LZTS2: variants seen among roughly 807,000 people sequenced by gnomAD.
The protein encoded by LZTS2 is leucine zipper putative tumor suppressor 2.
A neutral mutation model predicts 60.6 loss-of-function variants in LZTS2; 32 were observed. That is an observed-to-expected ratio of 0.53 (90% CI 0.40 to 0.71). The LOEUF is 0.71. Among genes scored for constraint, LZTS2 ranks in the 30% least tolerant of loss-of-function variants. The pLI, the probability that LZTS2 is intolerant of heterozygous loss-of-function variation, is 0.00. For missense variants in LZTS2, 792 were observed against 901.9 expected (o/e 0.88, Z 1.56); for synonymous variants, 360 against 393.1 (o/e 0.92, Z 1.00).
upstream of LZTS2, chr10:100,998,396 G>A (rs1337547258): frequency 6.5e-6 from 1 of 152,710 alleles, no homozygotes; most frequent in Non-Finnish European, 1.5e-5. Context: ...GTTCTTGTGA[G>A]GCTGAGGGTC....
Position 101,007,138 on chromosome 10 carries a change from C to T in LZTS2, c.1980C>T (p.Cys660=), listed in dbSNP as rs754863367. The change falls in exon 4 of 4, where the codon TGC becomes TGT. Residue 660 remains cysteine, a synonymous_variant. Coordinates refer to ENST00000370220, the Ensembl canonical transcript of LZTS2. The stretch of plus-strand genomic sequence containing the variant: ...TGGCCGAGCAGGCCCCCTGCATCTG[C>T]CTGGAGGAGATCACTGCTACTGAGA... 13 of 1,602,948 alleles carry T rather than the reference C, an allele frequency of 8.1e-6. No individual in the cohort carries two copies. In the African/African-American group the frequency reaches 1.6e-4, roughly 20 times the overall value.
upstream of LZTS2, chr10:100,996,930 A>T (rs2133953476): frequency 6.6e-6 from 1 of 152,494 alleles, no homozygotes; most frequent in East Asian, 1.9e-4. Context: ...CTGTGAAGTC[A>T]GAGGCCAGAG....
chr10:100,999,207 C>T (rs976907010), upstream of LZTS2, among the ~76,000 whole-genome samples: 3 of 152,156 alleles, frequency 2.0e-5, no homozygotes, highest in Admixed American at 6.5e-5. Flanking sequence ...GGCACCGTGC[C>T]GGGGAGTGGG....
At chr10:101,006,843 G>A (rs781148639) in exon 4 of LZTS2, 51 of 1,539,272 alleles carry the variant, frequency 3.3e-5, no homozygotes, top group Non-Finnish European at 4.3e-5. Context: ...AAAGTGCAGC[G>A]GGCAGCAGCC....
At chr10:101,003,887 G>A (rs747996245) in exon 2 of LZTS2, 1 of 1,612,976 alleles carries the variant, frequency 6.2e-7, no homozygotes, top group East Asian at 2.2e-5. Context: ...CAGCCCGAGG[G>A]GTCCCTACTG....
chr10:101,006,691 G>A (rs760635586), exon 4 of LZTS2: 1 of 1,597,846 alleles, frequency 6.3e-7, no homozygotes, highest in East Asian at 2.3e-5. Flanking sequence ...CCTGTTCCCA[G>A]GAGCTGCAGC....
exon 4 of LZTS2, chr10:101,006,756 A>G: frequency 6.3e-7 from 1 of 1,577,666 alleles, no homozygotes; most frequent in Non-Finnish European, 8.6e-7. Context: ...TTGGATGCTG[A>G]GGCGGCCGGA....
intron 3 of LZTS2, among the ~76,000 whole-genome samples, chr10:101,005,961 T>G (rs575526572): frequency 5.4e-4 from 82 of 152,348 alleles, no homozygotes; most frequent in African/African-American, 1.9e-3. Context: ...GAGGCACTAT[T>G]CTAAGCATGT....
chr10:101,002,129 C>G (rs138475168), exon 1 of LZTS2: 2 of 164,484 alleles, frequency 1.2e-5, no homozygotes, highest in East Asian at 3.4e-4. Flanking sequence ...GCTGAGAGGA[C>G]CAGGGACCTG....
chr10:101,003,662 C>CTCCTCCTCCTCT (rs780014255), exon 2 of LZTS2: 10 of 1,610,742 alleles, frequency 6.2e-6, no homozygotes, highest in African/African-American at 4.0e-5. Flanking sequence ...GCCCTGCCTC[C>CTCCTCCTCCTCT]TCCTCCTCCT....
chr10:101,006,752 G>A, exon 4 of LZTS2: 2 of 1,582,380 alleles, frequency 1.3e-6, no homozygotes, highest in Non-Finnish European at 1.7e-6. Flanking sequence ...GCAGTTGGAT[G>A]CTGAGGCGGC....
At chr10:101,006,663 G>A (rs1391160173) in exon 4 of LZTS2, 4 of 1,588,782 alleles carry the variant, frequency 2.5e-6, no homozygotes, top group Admixed American at 1.8e-5. Context: ...GCCCGAGCTC[G>A]GGAGCTGGAG....
At chr10:100,999,265 C>A (rs1485352886), upstream of LZTS2, among the ~76,000 whole-genome samples, 1 of 152,216 alleles carries the variant, frequency 6.6e-6, no homozygotes, top group Non-Finnish European at 1.5e-5. Flanking sequence ...CCGAGCCGGC[C>A]GCCAGGTGGC....
exon 1 of LZTS2, chr10:101,002,793 C>T: frequency 1.2e-6 from 2 of 1,613,830 alleles, no homozygotes; most frequent in Non-Finnish European, 1.7e-6. Flanking sequence ...CTGTCCCTGT[C>T]ACCAGCTTCA....
At chr10:101,002,470 ACT>A (rs1852060187) in exon 1 of LZTS2, 1 of 1,450,638 alleles carries the variant, frequency 6.9e-7, no homozygotes, top group Admixed American at 2.5e-5. Flanking sequence ...AGGTGGAGGG[ACT>A]CTGACACCAC....
chr10:101,005,804 C>T, intron 3 of LZTS2, 89 bp downstream of exon 4: 1 of 1,416,000 alleles, frequency 7.1e-7, no homozygotes, highest in Non-Finnish European at 9.3e-7. Flanking sequence ...CTCAGCCTGC[C>T]ACCCCCAGAG....
At chr10:101,005,332 G>C (rs1852148090) in intron 2 of LZTS2, 126 bp from the exon 4 acceptor site, 1 of 1,057,122 alleles carries the variant, frequency 9.5e-7, no homozygotes, top group Non-Finnish European at 1.3e-6. Context: ...TATTGTTGTT[G>C]CAATTACTAT....
Position 101,003,192 on chromosome 10 carries a change from C to T in LZTS2, c.408+246C>T, listed in dbSNP as rs185555290. ...CATAGTGCCTAGCACGTAGCATGTA[C>T]GCAGTAAGTGCTAGTTGCTTACGTT... On this transcript the variant is annotated intron_variant, in intron 1 of 3. Coordinates refer to ENST00000370220, the Ensembl canonical transcript of LZTS2. 3.4e-4 allele frequency: 191 copies of T among 557,738 alleles called. 1 individual carries two copies. Among genetic ancestry groups the T allele is most frequent in the African/African-American group, 2.3e-3 (119 of 52,830 alleles). The allele number at this position is 557,738 out of a possible 1,614,324, so 34.5% of individuals were successfully genotyped here.
Position 101,002,892 on chromosome 10 carries a change from C to A in LZTS2, c.354C>A (p.Ala118=), listed in dbSNP as rs1167231284. The A allele has an allele frequency of 1.9e-6, 3 of 1,613,692 alleles. No individual in the cohort carries two copies. In the South Asian group the frequency reaches 3.3e-5, roughly 18 times the overall value. ...CCCGAGAGCAGCGGGCACACAATGCCCACCTCCGCGGCCCACCACCAAAGC... is the reference window on the plus strand; with the variant it reads ...CCCGAGAGCAGCGGGCACACAATGCACACCTCCGCGGCCCACCACCAAAGC... Residue 118 remains alanine (A), a synonymous_variant, in exon 1 of 4, where the codon GCC becomes GCA. Transcript: ENST00000370220.
Sources: gnomAD v4.1 joint callset for allele counts (sites outside exome capture counted in the v4.1 genomes callset) on GRCh38, gnomAD v4.1.1 for gene constraint, MANE v1.5 for transcripts, NCBI Gene and HGNC (gene_info 2026-07-23, HGNC 2026-07-21) for gene names.